The following TAFA1 variants were observed in gnomAD, a reference collection of about 807,000 sequenced individuals.
TAFA1 encodes TAFA chemokine like family member 1.
TAFA1 carries 4 observed loss-of-function variants against 18.5 expected under a neutral mutation model. The ratio of observed to expected loss-of-function variants is 0.22; its 90% CI spans 0.11 to 0.49. The LOEUF (loss-of-function observed/expected upper bound fraction) is 0.49, where lower values mean the gene tolerates loss of function less well. TAFA1 is among the 20% of genes least tolerant of loss of function. The pLI is 0.98. For synonymous variants in TAFA1, 56 were observed against 55.2 expected, an observed-to-expected ratio of 1.01 and a Z score of -0.06; for missense variants, 147 against 169.0, an observed-to-expected ratio of 0.87 and a Z score of 0.72.
At chr3:68,247,677 G>C (rs1245078506) in intron 2 of TAFA1, 3 of 152,218 alleles carry the variant, frequency 2.0e-5, no homozygotes, top group Non-Finnish European at 4.4e-5. Context: ...GCCGCAATCT[G>C]AATGCAGTCC....
At chr3:68,345,714 G>A (rs995449215) in intron 2 of TAFA1, among the ~76,000 whole-genome samples, 2 of 152,042 alleles carry the variant, frequency 1.3e-5, no homozygotes, top group South Asian at 2.1e-4. Context: ...AAATAAAAAG[G>A]CCTTTGCAAA....
chr3:68,284,720 G>C (rs111790485), intron 2 of TAFA1, among the ~76,000 whole-genome samples: 2,787 of 151,990 alleles, frequency 0.018, 51 homozygotes, highest in Non-Finnish European at 0.023. Flanking sequence ...TTGAGGACAA[G>C]AGTTCAAGAC....
chr3:68,174,065 T>G (rs1419213133), intron 2 of TAFA1, among the ~76,000 whole-genome samples: 2 of 152,206 alleles, frequency 1.3e-5, no homozygotes, highest in Non-Finnish European at 2.9e-5. Flanking sequence ...TGACATGGAC[T>G]AGCAGTTTGT....
intron 2 of TAFA1, among the ~76,000 whole-genome samples, chr3:68,358,730 T>C (rs63108): frequency 0.49 from 74,291 of 151,680 alleles, 18,674 homozygotes; most frequent in East Asian, 0.73. Flanking sequence ...AAATAAAACT[T>C]GTAGCCTTCA....
At chr3:68,374,196 G>T (rs2069765589) in intron 2 of TAFA1, among the ~76,000 whole-genome samples, 1 of 152,138 alleles carries the variant, frequency 6.6e-6, no homozygotes, top group Admixed American at 6.6e-5. Context: ...AGACCAGTCA[G>T]ATGCGTGTGA....
chr3:68,055,273 C>T (rs1035568259), intron 2 of TAFA1, among the ~76,000 whole-genome samples: 1 of 152,078 alleles, frequency 6.6e-6, no homozygotes, highest in Non-Finnish European at 1.5e-5. Context: ...TCTTAAGTGT[C>T]ATCGGTAGAT....
intron 2 of TAFA1, among the ~76,000 whole-genome samples, chr3:68,113,772 C>G (rs895463335): frequency 1.3e-5 from 2 of 151,942 alleles, no homozygotes; most frequent in African/African-American, 2.4e-5. Context: ...TCATTTCCTC[C>G]TTTATCCATA....
At chr3:68,200,504 G>T (rs1015293597) in intron 2 of TAFA1, among the ~76,000 whole-genome samples, 3 of 151,568 alleles carry the variant, frequency 2.0e-5, no homozygotes, top group Non-Finnish European at 4.4e-5. Context: ...TGTGTCAATT[G>T]CTTTAATAGA....
In TAFA1 at chr3:68,423,790, G is replaced by T. The variant is rs146872052; in HGVS notation, c.259+6370G>T. On this transcript the variant is annotated intron_variant, in intron 3 of 4. Coordinates refer to ENST00000478136, the MANE Select transcript of TAFA1 (RefSeq NM_213609.4). ...CTAACATGGACAAATATGGGGGGTG[G>T]GGGGCATTTAACTAGTTGTTAGTAG... 6.4e-3 allele frequency among the ~76,000 whole-genome samples: 973 copies of T among 151,378 alleles called. 10 individuals are homozygous for T. The highest frequency in any genetic ancestry group is 0.023 in the African/African-American group (942 of 41,280).
chr3:68,530,336 A>T (rs1229409490), intron 3 of TAFA1, among the ~76,000 whole-genome samples: 1 of 152,224 alleles, frequency 6.6e-6, no homozygotes, highest in Non-Finnish European at 1.5e-5. Context: ...TAGGATTTAT[A>T]CTGAAATAAA....
intron 2 of TAFA1, among the ~76,000 whole-genome samples, chr3:68,330,014 T>C (rs1302290710): frequency 6.6e-6 from 1 of 152,162 alleles, no homozygotes; most frequent in African/African-American, 2.4e-5. Flanking sequence ...GAAGTACTCT[T>C]GTGTGTCCAA....
At chr3:68,230,481 A>G (rs966125597) in intron 2 of TAFA1, among the ~76,000 whole-genome samples, 3 of 152,138 alleles carry the variant, frequency 2.0e-5, no homozygotes, top group African/African-American at 4.8e-5. Flanking sequence ...ATAGTATTTC[A>G]TTGTGTATAT....
chr3:68,286,961 A>G (rs1329161132), intron 2 of TAFA1, among the ~76,000 whole-genome samples: 2 of 152,218 alleles, frequency 1.3e-5, no homozygotes, highest in Non-Finnish European at 2.9e-5. Flanking sequence ...ACAGAGGCTC[A>G]TCGCACTTCC....
rs952171591 is a variant in TAFA1 at position 68,285,608 on chromosome 3, T to G, written c.119-131672T>G. Among the ~76,000 whole-genome samples the G allele has an allele frequency of 3.3e-5, 5 of 152,206 alleles. No homozygotes were observed. The East Asian group carries it at 9.6e-4, about 29-fold the overall frequency. ...TATAAAAAACCTTCTGAATACCCAG[T>G]TTCTTCAGCAAATATGTGGCATGAG... On this transcript the variant is annotated intron_variant, in intron 2 of 4. Coordinates refer to ENST00000478136, the MANE Select transcript of TAFA1 (RefSeq NM_213609.4).
At chr3:68,018,658 AGT>A (rs1382945930) in intron 2 of TAFA1, among the ~76,000 whole-genome samples, 2 of 152,248 alleles carry the variant, frequency 1.3e-5, no homozygotes, top group Non-Finnish European at 2.9e-5. Context: ...TGTGGCACAC[AGT>A]GAGGGCCAAA....
intron 2 of TAFA1, among the ~76,000 whole-genome samples, chr3:68,260,665 A>G (rs974503807): frequency 3.3e-5 from 5 of 152,112 alleles, no homozygotes; most frequent in African/African-American, 7.2e-5. Context: ...AACAAGAAAT[A>G]GGGAAAGGAT....
intron 3 of TAFA1, among the ~76,000 whole-genome samples, chr3:68,445,310 C>G (rs929186620): frequency 1.3e-5 from 2 of 152,078 alleles, no homozygotes; most frequent in Non-Finnish European, 2.9e-5. Flanking sequence ...TGGAAGAAAG[C>G]CTTCTGATTG....
intron 2 of TAFA1, among the ~76,000 whole-genome samples, chr3:68,291,102 G>C (rs1044513021): frequency 1.3e-5 from 2 of 152,076 alleles, no homozygotes; most frequent in African/African-American, 4.8e-5. Flanking sequence ...AAATATTCAA[G>C]AAATGTTAGT....
intron 2 of TAFA1, among the ~76,000 whole-genome samples, chr3:68,404,785 A>G (rs1419609448): frequency 6.6e-6 from 1 of 150,704 alleles, no homozygotes; most frequent in Admixed American, 6.6e-5. Context: ...TGACAATGCG[A>G]GACTCTGCTT....
Sources: gnomAD v4.1 joint callset for allele counts (sites outside exome capture counted in the v4.1 genomes callset) on GRCh38, gnomAD v4.1.1 for gene constraint, MANE v1.5 for transcripts, NCBI Gene and HGNC (gene_info 2026-07-23, HGNC 2026-07-21) for gene names.